TFCP2: variants seen among roughly 807,000 people sequenced by gnomAD.
TFCP2 encodes transcription factor CP2.
A neutral mutation model predicts 73.4 loss-of-function variants in TFCP2; 33 were observed. The observed-to-expected ratio is 0.45, with a 90% CI of 0.34 to 0.60. The LOEUF (loss-of-function observed/expected upper bound fraction) is 0.60, where lower values mean the gene tolerates loss of function less well. Among genes scored for constraint, TFCP2 ranks in the 20% least tolerant of loss-of-function variants. The pLI is 0.01. For synonymous variants in TFCP2, 193 were observed against 211.6 expected (o/e 0.91, Z 0.76); for missense variants, 352 against 604.0 (o/e 0.58, Z 4.37).
chr12:51,165,759 T>A (rs1376461387), intron 1 of TFCP2, among the ~76,000 whole-genome samples: 3 of 152,232 alleles, frequency 2.0e-5, no homozygotes, highest in African/African-American at 7.2e-5. Flanking sequence ...TAGAATTTTA[T>A]GTTATGTGTA....
At chr12:51,123,239 A>G (rs1467173912) in intron 1 of TFCP2, among the ~76,000 whole-genome samples, 1 of 152,200 alleles carries the variant, frequency 6.6e-6, no homozygotes, top group Non-Finnish European at 1.5e-5. Context: ...TTTCCTCATC[A>G]AAGAGTTTAA....
chr12:51,144,158 G>A (rs1941243568), intron 1 of TFCP2, among the ~76,000 whole-genome samples: 1 of 151,996 alleles, frequency 6.6e-6, no homozygotes, highest in Non-Finnish European at 1.5e-5. Flanking sequence ...TCAGCCTCTT[G>A]AGTAGCTGGG....
chr12:51,148,561 G>A lies in TFCP2; in HGVS notation c.122+23740C>T, dbSNP rs141163047. On this transcript the variant is annotated intron_variant, in intron 1 of 14. Transcript: ENST00000257915. ...CTAAAAATACAAAAATCAGCCAGGC[G>A]TGGTGGCGGGCGCCTGTAGTCCAGG... Among the ~76,000 whole-genome samples, 1,050 of 152,092 alleles carry A rather than the reference G, an allele frequency of 6.9e-3. 13 individuals are homozygous for A. The highest frequency in any genetic ancestry group is 0.024 in the African/African-American group (989 of 41,482).
rs1939926767 is a variant in TFCP2, at chr12:51,095,268, A to G, written c.1482T>C (p.Asn494=). 2 of 1,614,018 alleles carry G rather than the reference A, an allele frequency of 1.2e-6. No individual in the cohort carries two copies. The highest frequency in any genetic ancestry group is 3.3e-5 in the Admixed American group (2 of 59,992). Residue 494 remains asparagine, a synonymous_variant, in exon 15 of 15, where the codon AAT becomes AAC. Transcript: ENST00000257915. ...FILDTMKAET[N]DSYHIILK is the part of the protein sequence containing the mutation. ...ACTTCAGTATGATATGATAGCTATC[A>G]TTGGTTTCTGCTGTTAAAAAAAAGA...
chr12:51,157,420 A>G (rs1400696737), intron 1 of TFCP2, among the ~76,000 whole-genome samples: 3 of 151,794 alleles, frequency 2.0e-5, no homozygotes, highest in Non-Finnish European at 4.4e-5. Context: ...GACTAAAGCA[A>G]TCCTTCTGCC....
Position 51,103,747 on chromosome 12 carries a change from G to T in TFCP2, c.983C>A (p.Thr328Asn). Residue 328 changes from threonine to asparagine, a missense_variant, in exon 10 of 15, where the codon ACC becomes AAC. Thr to Asn is a moderately conservative substitution (Grantham distance 65). Around this residue, in one of 6 missense-constraint regions of TFCP2, gnomAD observed 194 missense variants for 256.3 expected, o/e 0.76. Transcript: ENST00000257915. ...CCACTGCTGAGCTTCCTGAGGTGTG[G>T]TTGTTGGTAAGAGGTTCTGAAAGGG... ...PPVTDNLLPT[T>N]TPQEAQQWLH... The T allele has an allele frequency of 6.2e-7, 1 of 1,613,678 alleles. No homozygotes were observed. The highest frequency in any genetic ancestry group is 2.2e-5 in the East Asian group (1 of 44,870).
chr12:51,123,653 C>T (rs947738027), intron 1 of TFCP2, among the ~76,000 whole-genome samples: 1 of 152,030 alleles, frequency 6.6e-6, no homozygotes, highest in African/African-American at 2.4e-5. Context: ...TCTCAAACTC[C>T]AAGCCTCAAG....
At position 51,152,260 on chromosome 12, in the gene TFCP2, G is replaced by A. The variant is rs543433176; in HGVS notation, c.122+20041C>T. 2.0e-4 allele frequency among the ~76,000 whole-genome samples: 30 copies of A among 152,184 alleles called. 2 individuals carry two copies. Among genetic ancestry groups the A allele is most frequent in the Admixed American group, 1.2e-3 (18 of 15,268 alleles). On this transcript the variant is annotated intron_variant, in intron 1 of 14. Coordinates refer to ENST00000257915, the MANE Select transcript of TFCP2 (RefSeq NM_005653.5). ...ACGTGCATAACCTGAATCTAACCAC[G>A]AGGAAACAACAGACAAAAACAAATT...
At chr12:51,129,591 A>T in intron 1 of TFCP2, among the ~76,000 whole-genome samples, 1 of 151,900 alleles carries the variant, frequency 6.6e-6, no homozygotes, top group African/African-American at 2.4e-5. Context: ...TCACATGTAG[A>T]GTAACTAAAG....
chr12:51,107,483 G>A, intron 6 of TFCP2, 137 bp from the exon 7 acceptor site: 2 of 680,110 alleles, frequency 2.9e-6, no homozygotes, highest in Non-Finnish European at 2.6e-6. Flanking sequence ...ATCACTTTAA[G>A]TTTGAAAATA....
chr12:51,129,380 GC>G (rs1356312059), intron 1 of TFCP2, among the ~76,000 whole-genome samples: 1 of 151,970 alleles, frequency 6.6e-6, no homozygotes, highest in Non-Finnish European at 1.5e-5. Flanking sequence ...GGTCATTTTG[GC>G]AGGCGCCTGT....
intron 4 of TFCP2, among the ~76,000 whole-genome samples, chr12:51,114,606 AAAATAAATAAAT>A (rs1033692516): frequency 6.6e-6 from 1 of 152,042 alleles, no homozygotes; most frequent in East Asian, 1.9e-4. Context: ...CTCCATCTCA[AAAATAAATAAAT>A]AAATAAATAA....
chr12:51,137,626 T>C (rs534390022), intron 1 of TFCP2, among the ~76,000 whole-genome samples: 13 of 152,336 alleles, frequency 8.5e-5, no homozygotes, highest in African/African-American at 3.1e-4. Context: ...TACTAGGCTC[T>C]TTTATTAAAT....
chr12:51,139,589 A>G (rs756746008), intron 1 of TFCP2, among the ~76,000 whole-genome samples: 27 of 152,114 alleles, frequency 1.8e-4, no homozygotes, highest in Non-Finnish European at 3.7e-4. Context: ...TGTTGCCCAG[A>G]CTGGTGCTGA....
At chr12:51,108,075 A>C (rs1432445706) in intron 6 of TFCP2, among the ~76,000 whole-genome samples, 1 of 151,324 alleles carries the variant, frequency 6.6e-6, no homozygotes, top group Admixed American at 6.6e-5. Flanking sequence ...GCCTGAGGTC[A>C]GGAGTTCGAG....
At chr12:51,116,799 T>C (rs1291556887) in intron 3 of TFCP2, among the ~76,000 whole-genome samples, 1 of 152,126 alleles carries the variant, frequency 6.6e-6, no homozygotes, top group African/African-American at 2.4e-5. Context: ...GTATTTTTTG[T>C]AGAGACAGGG....
chr12:51,169,004 G>A (rs775734254), intron 1 of TFCP2, among the ~76,000 whole-genome samples: 17 of 151,394 alleles, frequency 1.1e-4, no homozygotes, highest in Non-Finnish European at 1.9e-4. Flanking sequence ...GTTTCACCAC[G>A]TTGGCCAGGC....
At chr12:51,157,384 T>C (rs1028927522) in intron 1 of TFCP2, among the ~76,000 whole-genome samples, 123 of 152,186 alleles carry the variant, frequency 8.1e-4, no homozygotes, top group African/African-American at 2.7e-3. Context: ...GGAACAATCA[T>C]GGTTAACTGC....
intron 4 of TFCP2, among the ~76,000 whole-genome samples, chr12:51,112,149 A>C (rs190882009): frequency 6.6e-4 from 101 of 152,290 alleles, no homozygotes; most frequent in African/African-American, 2.4e-3. Flanking sequence ...ACAGAGCAAG[A>C]CTGTCTCGAA....
Sources: allele counts gnomAD v4.1 joint callset (sites outside exome capture counted in the v4.1 genomes callset), GRCh38; gene constraint gnomAD v4.1.1; regional missense constraint gnomAD v4.1.1; transcripts MANE v1.5; gene names NCBI Gene and HGNC (gene_info 2026-07-23, HGNC 2026-07-21).